The following TRAT1 variants were observed in gnomAD, a reference collection of about 807,000 sequenced individuals.
TRAT1 encodes the protein T-cell receptor-associated transmembrane adapter 1.
In TRAT1, 20 loss-of-function variants were observed where a neutral mutation model predicts 20.0. The observed-to-expected ratio is 1.00, with a 90% CI of 0.70 to 1.45. The LOEUF (loss-of-function observed/expected upper bound fraction) is 1.45, where lower values mean the gene tolerates loss of function less well. TRAT1 is among the 40% of genes most tolerant of loss of function. The probability of loss-of-function intolerance (pLI) is 0.00; values close to 1 mark genes in which losing one functional copy is unlikely to be tolerated. For synonymous variants in TRAT1, 77 were observed against 74.2 expected, an observed-to-expected ratio of 1.04 and a Z score of -0.20; for missense variants, 237 against 224.1, an observed-to-expected ratio of 1.06 and a Z score of -0.37.
intron 1 of TRAT1, among the ~76,000 whole-genome samples, chr3:108,830,166 T>G (rs956855416): frequency 4.6e-5 from 7 of 152,210 alleles, no homozygotes; most frequent in Non-Finnish European, 1.0e-4. Context: ...AAAAGCTCCC[T>G]GTGGCCAATC....
chr3:108,831,729 A>G (rs567981506), intron 2 of TRAT1, among the ~76,000 whole-genome samples: 38 of 151,862 alleles, frequency 2.5e-4, no homozygotes, highest in Non-Finnish European at 3.4e-4. Context: ...TTTTGTAGAG[A>G]TGGGAGTCTC....
intron 3 of TRAT1, 188 bp downstream of exon 3, chr3:108,839,155 T>C (rs1945868516): frequency 1.8e-6 from 1 of 553,748 alleles, no homozygotes; most frequent in African/African-American, 1.9e-5. Context: ...CCTAGTTATT[T>C]GCACACTGTG....
Position 108,830,684 on chromosome 3 carries a change from C to T in TRAT1, c.22C>T (p.Pro8Ser). Reference sequence around the variant, plus strand: ...TTAATTTCCAGGAATCTCTGGGTGCCCCTTTTTCCTCTGGGGACTTCTAGC... The same window carrying T: ...TTAATTTCCAGGAATCTCTGGGTGCTCCTTTTTCCTCTGGGGACTTCTAGC... MSGISGCPFFLWGLLALL... is the reference protein window; with the variant it reads MSGISGCSFFLWGLLALL... Residue 8 changes from proline to serine, a missense_variant, in exon 2 of 6, where the codon CCC (proline) becomes TCC (serine). Coordinates refer to ENST00000295756, the MANE Select transcript of TRAT1 (RefSeq NM_016388.4). The T allele has an allele frequency of 6.2e-7, 1 of 1,611,596 alleles. No individual in the cohort carries two copies. The highest frequency in any genetic ancestry group is 1.7e-4 in the Middle Eastern group (1 of 6,056).
Position 108,849,166 on chromosome 3 carries a change from A to G in TRAT1, c.215A>G (p.Glu72Gly), listed in dbSNP as rs1438465596. 6.2e-7 allele frequency: 1 copy of G among 1,612,832 alleles called. No individual in the cohort carries two copies. Among genetic ancestry groups the G allele is most frequent in the East Asian group, 2.2e-5 (1 of 44,866 alleles). The change falls in exon 5 of 6, where the codon GAA becomes GGA. Residue 72 changes from glutamate (E) to glycine (G), a missense_variant and splice_region_variant. Glu to Gly is a moderately conservative substitution (Grantham distance 98, BLOSUM62 -2). Transcript: ENST00000295756. Reference sequence around the variant, plus strand: ...AATCACAATCTTTTTAATTCCCAAGAACCAATGGATGAAAATTGCTATGAA... The same window carrying G: ...AATCACAATCTTTTTAATTCCCAAGGACCAATGGATGAAAATTGCTATGAA... Reference protein sequence around the residue: ...IYGNLDDMISEPMDENCYEQM... With the variant: ...IYGNLDDMISGPMDENCYEQM...
At chr3:108,851,618 C>T (rs1242268936) in intron 5 of TRAT1, among the ~76,000 whole-genome samples, 1 of 118,034 alleles carries the variant, frequency 8.5e-6, no homozygotes, top group Non-Finnish European at 1.8e-5. Flanking sequence ...TGTGAAAGTC[C>T]CTCCAATATT....
chr3:108,846,943 G>A (rs1002414356), intron 3 of TRAT1, 125 bp from the exon 4 acceptor site: 10 of 657,434 alleles, frequency 1.5e-5, no homozygotes, highest in African/African-American at 9.2e-5. Flanking sequence ...CACACCTACC[G>A]TGGTTGGCTG....
chr3:108,823,734 CT>C (rs1466753570), intron 1 of TRAT1, among the ~76,000 whole-genome samples: 1 of 152,056 alleles, frequency 6.6e-6, no homozygotes, highest in Non-Finnish European at 1.5e-5. Flanking sequence ...ATATATCCAG[CT>C]TTTTTCACTA....
chr3:108,839,624 G>A (rs61685948), intron 3 of TRAT1, among the ~76,000 whole-genome samples: 5,011 of 148,386 alleles, frequency 0.034, 273 homozygotes, highest in African/African-American at 0.11. Context: ...CCAGCTGGAC[G>A]ACAGAGTGAG....
At position 108,830,686 on chromosome 3, in the gene TRAT1, CT is replaced by C; in HGVS notation, c.29del (p.Phe10SerfsTer6). 1 of 1,612,664 alleles carries C rather than the reference CT, an allele frequency of 6.2e-7. No individual in the cohort carries two copies. The highest frequency in any genetic ancestry group is 8.5e-7 in the Non-Finnish European group (1 of 1,178,686). MSGISGCP[F>X]FLWGLLALLG... is the part of the protein sequence containing the mutation. ...AATTTCCAGGAATCTCTGGGTGCCC[CT>C]TTTTCCTCTGGGGACTTCTAGCATT... On this transcript the variant is annotated frameshift_variant, in exon 2 of 6. Transcript: ENST00000295756. LOFTEE classifies it high-confidence loss of function.
At chr3:108,826,855 T>C (rs1435090697) in intron 1 of TRAT1, among the ~76,000 whole-genome samples, 1 of 152,216 alleles carries the variant, frequency 6.6e-6, no homozygotes. Flanking sequence ...GCTTTTTCTA[T>C]TGCTAATTGT....
At chr3:108,851,278 C>T (rs1253797631) in intron 5 of TRAT1, among the ~76,000 whole-genome samples, 1 of 152,098 alleles carries the variant, frequency 6.6e-6, no homozygotes, top group Non-Finnish European at 1.5e-5. Flanking sequence ...GTGTACAGTT[C>T]AGAAATTGTA....
chr3:108,831,303 T>C (rs1302361908), intron 2 of TRAT1, among the ~76,000 whole-genome samples: 1 of 152,198 alleles, frequency 6.6e-6, no homozygotes, highest in African/African-American at 2.4e-5. Flanking sequence ...GTCAAGAGTA[T>C]CTGCCACTGT....
At chr3:108,833,627 C>T (rs1358953103) in intron 2 of TRAT1, among the ~76,000 whole-genome samples, 3 of 152,072 alleles carry the variant, frequency 2.0e-5, no homozygotes, top group African/African-American at 7.2e-5. Context: ...TTTTGCTTCT[C>T]TCAATTGTTT....
At chr3:108,842,021 C>T (rs1945900922) in intron 3 of TRAT1, among the ~76,000 whole-genome samples, 1 of 152,142 alleles carries the variant, frequency 6.6e-6, no homozygotes, top group Non-Finnish European at 1.5e-5. Flanking sequence ...GGGTAGTTGA[C>T]TAAAAAGCTG....
intron 5 of TRAT1, 112 bp from the exon 6 acceptor site, chr3:108,853,508 G>A (rs917054336): frequency 7.6e-7 from 1 of 1,317,816 alleles, no homozygotes; most frequent in Non-Finnish European, 1.0e-6. Flanking sequence ...GGCAAAACAA[G>A]GTAGGTGAGG....
chr3:108,832,516 T>G (rs1945803335), intron 2 of TRAT1, among the ~76,000 whole-genome samples: 1 of 152,220 alleles, frequency 6.6e-6, no homozygotes, highest in South Asian at 2.1e-4. Context: ...GCACTTTGCT[T>G]TATATATCGA....
intron 5 of TRAT1, among the ~76,000 whole-genome samples, chr3:108,850,516 G>A (rs371814247): frequency 6.6e-6 from 1 of 151,996 alleles, no homozygotes; most frequent in East Asian, 1.9e-4. Flanking sequence ...TGTTGGTTAG[G>A]CTGGTCGCAA....
intron 1 of TRAT1, among the ~76,000 whole-genome samples, chr3:108,829,763 T>C (rs1449307828): frequency 6.6e-6 from 1 of 152,212 alleles, no homozygotes; most frequent in Non-Finnish European, 1.5e-5. Context: ...GTGATGCTGG[T>C]GTAAACAAAC....
At chr3:108,844,372 C>T (rs1245264645) in intron 3 of TRAT1, among the ~76,000 whole-genome samples, 3 of 149,836 alleles carry the variant, frequency 2.0e-5, no homozygotes, top group Non-Finnish European at 4.4e-5. Context: ...GGTTGGAGTG[C>T]AGTGGTGCAA....
Sources: allele counts gnomAD v4.1 joint callset (sites outside exome capture counted in the v4.1 genomes callset), GRCh38; gene constraint gnomAD v4.1.1; transcripts MANE v1.5; gene names NCBI Gene and HGNC (gene_info 2026-07-23, HGNC 2026-07-21).